PCDHA10: variants seen among roughly 807,000 people sequenced by gnomAD.
The protein encoded by PCDHA10 is protocadherin alpha-10.
A neutral mutation model predicts 61.2 loss-of-function variants in PCDHA10; 45 were observed. That is an observed-to-expected ratio of 0.74 (90% CI 0.58 to 0.94). PCDHA10 has a LOEUF of 0.94. PCDHA10 is among the 40% of genes least tolerant of loss of function. PCDHA10 has a pLI of 0.00. For missense variants in PCDHA10, 1,278 were observed against 1,236.2 expected (o/e 1.03, Z -0.51); for synonymous variants, 602 against 548.8 (o/e 1.10, Z -1.35).
intron 3 of PCDHA10, among the ~76,000 whole-genome samples, chr5:141,006,729 T>A (rs1554260883): frequency 2.0e-5 from 3 of 151,948 alleles, no homozygotes; most frequent in Non-Finnish European, 4.4e-5. Flanking sequence ...AAATGACAGG[T>A]CTTGATGATG....
intron 1 of PCDHA10, chr5:140,865,080 G>A (rs1166926722): frequency 6.6e-6 from 1 of 152,010 alleles, no homozygotes; most frequent in Non-Finnish European, 1.5e-5. Context: ...AAGAACCATG[G>A]GATATTAATA....
At chr5:140,906,416 T>A (rs2072639287) in intron 1 of PCDHA10, among the ~76,000 whole-genome samples, 1 of 152,190 alleles carries the variant, frequency 6.6e-6, no homozygotes, top group African/African-American at 2.4e-5. Flanking sequence ...AGTCAATAAA[T>A]CTTATGTCAC....
At chr5:140,983,583 CT>C (rs2153831802) in intron 3 of PCDHA10, among the ~76,000 whole-genome samples, 1 of 152,306 alleles carries the variant, frequency 6.6e-6, no homozygotes, top group African/African-American at 2.4e-5. Context: ...TTTATTACAT[CT>C]ATTCTACATA....
Position 140,906,278 on chromosome 5 carries a change from C to T in PCDHA10, c.2388+47842C>T, listed in dbSNP as rs546102354. On this transcript the variant is annotated intron_variant, in intron 1 of 3. Coordinates refer to ENST00000307360, the MANE Select transcript of PCDHA10 (RefSeq NM_018901.4). ...ACCTCCTGAAATTATAGATAATCTT[C>T]AAATTAAGACAATAATAAGGTCATA... Among the ~76,000 whole-genome samples the T allele has an allele frequency of 4.6e-5, 7 of 152,270 alleles. No homozygotes were observed. In the South Asian group the frequency reaches 6.2e-4, roughly 14 times the overall value.
rs150677637 is a variant in PCDHA10, at chr5:140,857,404, T to A, written c.1356T>A (p.Pro452=). Reference sequence around the variant, plus strand: ...TGGCCGACGTGAACGACAACGCGCCTGCGTTCGCGCAGTCCGAGTACACGG... The same window carrying A: ...TGGCCGACGTGAACGACAACGCGCCAGCGTTCGCGCAGTCCGAGTACACGG... ...VEVADVNDNA[P]AFAQSEYTVF... The change falls in exon 1 of 4, where the codon CCT becomes CCA. Residue 452 remains proline (P), a synonymous_variant. Transcript: ENST00000307360. 5,154 of 1,597,952 alleles carry A rather than the reference T, an allele frequency of 3.2e-3. 410 individuals carry two copies. In the African/African-American group the frequency reaches 0.057, roughly 18 times the overall value.
In PCDHA10 at chr5:140,858,360, GC is replaced by G. The variant is rs1562537531; in HGVS notation, c.2316del (p.Ser773AlafsTer8). 1 of 1,592,532 alleles carries G rather than the reference GC, an allele frequency of 6.3e-7. No homozygotes were observed. On this transcript the variant is annotated frameshift_variant, in exon 1 of 4. Coordinates refer to ENST00000307360, the MANE Select transcript of PCDHA10 (RefSeq NM_018901.4). LOFTEE classifies it high-confidence loss of function. ...GLPKADLMAF[S>X]PSLPPCPMVD... ...CCCAAGGCGGACCTCATGGCCTTCA[GC>G]CCCAGCCTTCCACCATGCCCAATGG...
chr5:140,903,524 A>T (rs2070355065), intron 1 of PCDHA10, among the ~76,000 whole-genome samples: 1 of 152,156 alleles, frequency 6.6e-6, no homozygotes, highest in Non-Finnish European at 1.5e-5. Flanking sequence ...TGTGTTGTTC[A>T]CTTTAAACTA....
intron 1 of PCDHA10, among the ~76,000 whole-genome samples, chr5:140,905,770 C>T (rs1402548672): frequency 6.6e-6 from 1 of 151,878 alleles, no homozygotes; most frequent in African/African-American, 2.4e-5. Flanking sequence ...AAGTATATTC[C>T]GAAGTGTATT....
intron 1 of PCDHA10, among the ~76,000 whole-genome samples, chr5:140,972,402 G>A (rs1554234110): frequency 6.6e-6 from 1 of 151,784 alleles, no homozygotes; most frequent in Non-Finnish European, 1.5e-5. Context: ...TTCACTATTG[G>A]CAAACCCTGT....
intron 1 of PCDHA10, among the ~76,000 whole-genome samples, chr5:140,904,446 T>C (rs34807894): frequency 0.32 from 47,642 of 151,146 alleles, 7,868 homozygotes; most frequent in East Asian, 0.52. Context: ...TATTACAATT[T>C]CTTTATACAC....
intron 3 of PCDHA10, among the ~76,000 whole-genome samples, chr5:140,994,878 A>G (rs1034578696): frequency 2.0e-5 from 3 of 152,170 alleles, no homozygotes; most frequent in Non-Finnish European, 4.4e-5. Context: ...GAATAAAGAG[A>G]TGTTAGGAAA....
At chr5:140,973,273 C>A (rs1180418925) in intron 1 of PCDHA10, among the ~76,000 whole-genome samples, 1 of 152,150 alleles carries the variant, frequency 6.6e-6, no homozygotes, top group Non-Finnish European at 1.5e-5. Flanking sequence ...ACTTTTATTT[C>A]CCCCAGCACT....
chr5:140,912,723 A>C (rs781874290), intron 1 of PCDHA10, among the ~76,000 whole-genome samples: 21 of 152,256 alleles, frequency 1.4e-4, no homozygotes, highest in Admixed American at 1.1e-3. Context: ...TCCATTCAAT[A>C]TGATGTTGGC....
At chr5:140,877,594 T>G (rs782719581) in intron 1 of PCDHA10, 110 of 1,613,680 alleles carry the variant, frequency 6.8e-5, no homozygotes, top group Non-Finnish European at 9.3e-5. Context: ...CTGTGCGGTG[T>G]CCAGCCTGCT....
chr5:140,877,684 A>T, intron 1 of PCDHA10: 1 of 1,613,768 alleles, frequency 6.2e-7, no homozygotes, highest in Non-Finnish European at 8.5e-7. Context: ...GGGCAAGCCC[A>T]CGCTGGTGTG....
intron 1 of PCDHA10, chr5:140,867,711 G>T (rs1202135456): frequency 2.0e-5 from 3 of 151,816 alleles, no homozygotes; most frequent in Non-Finnish European, 2.9e-5. Flanking sequence ...AATCCTAAGG[G>T]TATATGAAAA....
At chr5:140,966,267 G>T (rs141363782) in intron 1 of PCDHA10, 112 of 351,092 alleles carry the variant, frequency 3.2e-4, no homozygotes, top group Non-Finnish European at 4.7e-4. Context: ...GAGACTGGAT[G>T]AACTGGACAG....
intron 1 of PCDHA10, among the ~76,000 whole-genome samples, chr5:140,939,244 A>AG: frequency 6.6e-6 from 1 of 152,270 alleles, no homozygotes; most frequent in Admixed American, 6.5e-5. Flanking sequence ...GGAGCAAGGT[A>AG]GCTCTCTGGA....
intron 1 of PCDHA10, among the ~76,000 whole-genome samples, chr5:140,926,138 T>C (rs2082936633): frequency 6.6e-6 from 1 of 152,004 alleles, no homozygotes; most frequent in African/African-American, 2.4e-5. Flanking sequence ...CGCAGCAGGA[T>C]CCAGCGCGGA....
Sources: allele counts gnomAD v4.1 joint callset (sites outside exome capture counted in the v4.1 genomes callset), GRCh38; gene constraint gnomAD v4.1.1; transcripts MANE v1.5; gene names NCBI Gene and HGNC (gene_info 2026-07-23, HGNC 2026-07-21).